Variants in COL5A1 observed in about 807,000 individuals in gnomAD.
COL5A1 encodes collagen alpha-1(V) chain.
A neutral mutation model predicts 263.7 loss-of-function variants in COL5A1; 16 were observed. That is an observed-to-expected ratio of 0.06 (90% CI 0.04 to 0.09). COL5A1 has a LOEUF of 0.09. Among genes scored for constraint, COL5A1 ranks in the 10% least tolerant of loss-of-function variants. COL5A1 has a pLI of 1.00. For synonymous variants in COL5A1, 1,012 were observed against 1,004.5 expected (o/e 1.01, Z -0.14); for missense variants, 2,036 against 2,540.5 (o/e 0.80, Z 4.27).
At chr9:134,827,752 G>A (rs796089322) in intron 63 of COL5A1, among the ~76,000 whole-genome samples, 20 of 152,362 alleles carry the variant, frequency 1.3e-4, no homozygotes, top group African/African-American at 3.6e-4. Flanking sequence ...AAGTGGAGAC[G>A]CTTTCCGAGG....
chr9:134,761,535 C>T (rs548857341), intron 18 of COL5A1, among the ~76,000 whole-genome samples: 4 of 152,254 alleles, frequency 2.6e-5, no homozygotes, highest in African/African-American at 9.6e-5. Context: ...CCACTGCGTG[C>T]GAGCTCTGAG....
chr9:134,844,508 A>G lies in COL5A1; in HGVS notation c.*2205A>G, dbSNP rs1830192817. 1 of 152,440 alleles carries G rather than the reference A, an allele frequency of 6.6e-6. No homozygotes were observed. Among genetic ancestry groups the G allele is most frequent in the African/African-American group, 2.4e-5 (1 of 41,446 alleles). 9.4% of individuals were successfully genotyped at this position (152,440 alleles called of 1,614,324 possible). A position where few individuals can be genotyped will look rare whatever the true frequency, so the allele number is the denominator to read the frequency against. On this transcript the variant is annotated 3_prime_UTR_variant, in exon 66 of 66. Transcript: ENST00000371817. Reference sequence around the variant, plus strand: ...CCGTTCTCCCCAGACCACTCTAGCCACAGTATATTGCAATAAAATTACTTC... The same window carrying G: ...CCGTTCTCCCCAGACCACTCTAGCCGCAGTATATTGCAATAAAATTACTTC...
At chr9:134,725,061 C>T (rs1834597481) in intron 4 of COL5A1, among the ~76,000 whole-genome samples, 1 of 152,198 alleles carries the variant, frequency 6.6e-6, no homozygotes, top group Admixed American at 6.5e-5. Flanking sequence ...CAGCACCTGG[C>T]CCTGCCCCAA....
At chr9:134,744,775 A>T (rs1343945135) in intron 11 of COL5A1, among the ~76,000 whole-genome samples, 1 of 151,038 alleles carries the variant, frequency 6.6e-6, no homozygotes, top group South Asian at 2.1e-4. Context: ...GCTCACTCAT[A>T]CATGCACACA....
intron 41 of COL5A1, among the ~76,000 whole-genome samples, chr9:134,805,871 GGA>G (rs1838279026): frequency 6.6e-6 from 1 of 150,498 alleles, no homozygotes; most frequent in South Asian, 2.1e-4. Context: ...GGGCCCTGGA[GGA>G]GAGAGGGTGC....
In COL5A1 at chr9:134,785,155, A is replaced by G. The variant is rs184743146; in HGVS notation, c.2592+59A>G. 377 of 1,427,488 alleles carry G rather than the reference A, an allele frequency of 2.6e-4. 1 individual carries two copies. The African/African-American group carries it at 4.7e-3, about 18-fold the overall frequency. The allele number at this position is 1,427,488 out of a possible 1,614,324, so 88.4% of individuals were successfully genotyped here. ...GGAGGGATCTGACAGGCCCTTCCCC[A>G]TGGCCTCGGGCTCCCGTTGGCTGTG... is the stretch of plus-strand genomic sequence containing the variant. On this transcript the variant is annotated intron_variant, in intron 30 of 65. Transcript: ENST00000371817.
chr9:134,704,460 A>G (rs928653066), intron 4 of COL5A1, among the ~76,000 whole-genome samples: 1 of 152,144 alleles, frequency 6.6e-6, no homozygotes, highest in African/African-American at 2.4e-5. Context: ...CTGTTTTCCT[A>G]CCCTGGCTTG....
intron 4 of COL5A1, among the ~76,000 whole-genome samples, chr9:134,703,198 G>A (rs183588037): frequency 1.3e-5 from 2 of 152,324 alleles, no homozygotes; most frequent in East Asian, 1.9e-4. Context: ...AGAGCAGGGC[G>A]GGTGCTTGGA....
chr9:134,816,128 ATTGATTCCCTTATGATG>A (rs1485704288), intron 52 of COL5A1, 140 bp downstream of exon 52: 19 of 809,610 alleles, frequency 2.3e-5, no homozygotes, highest in South Asian at 1.0e-4. Flanking sequence ...CCCTTATGAT[ATTGATTCCCTTATGATG>A]TTGATTCCCT....
intron 4 of COL5A1, among the ~76,000 whole-genome samples, chr9:134,711,996 TTCCCCC>T (rs1834060219): frequency 1.3e-5 from 1 of 78,830 alleles, no homozygotes; most frequent in African/African-American, 5.2e-5. Flanking sequence ...TCCCCACTCC[TTCCCCC>T]TCCTTCCTGT....
intron 51 of COL5A1, 84 bp downstream of exon 51, chr9:134,815,713 G>C: frequency 6.7e-7 from 1 of 1,486,976 alleles, no homozygotes; most frequent in East Asian, 2.3e-5. Context: ...CTTTCTGGTG[G>C]TTCTTTGTGA....
At position 134,742,124 on chromosome 9, in the gene COL5A1, T is replaced by G. The variant is rs1232893073; in HGVS notation, c.1494+3316T>G. ...TCCACTGGCTGGCCCTGGGTGTTGC[T>G]TCCTTCACACACTCTGGTGAGCCCT... On this transcript the variant is annotated intron_variant, in intron 11 of 65. Transcript: ENST00000371817. The surrounding 1 kb of genome is among the most constrained non-coding windows in gnomAD (Gnocchi z 4.6). Among the ~76,000 whole-genome samples the G allele has an allele frequency of 6.6e-6, 1 of 152,218 alleles. No homozygotes were observed. The highest frequency in any genetic ancestry group is 1.5e-5 in the Non-Finnish European group (1 of 68,034).
In COL5A1 at chr9:134,842,418, C is replaced by G; in HGVS notation, c.*115C>G. ...CAGTGAAGGCTTCTCCCTCCCCTCC[C>G]ACCTGACTTCATCTACGCCTCGGCA... On this transcript the variant is annotated 3_prime_UTR_variant, in exon 66 of 66. Transcript: ENST00000371817. This position sits in a 1 kb window ranked among gnomAD's most constrained non-coding sequence, Gnocchi z 5.8. The G allele has an allele frequency of 7.7e-7, 1 of 1,298,130 alleles. No homozygotes were observed. Among genetic ancestry groups the G allele is most frequent in the Non-Finnish European group, 1.1e-6 (1 of 925,442 alleles). 80.4% of individuals were successfully genotyped at this position (1,298,130 alleles called of 1,614,324 possible). A position where few individuals can be genotyped will look rare whatever the true frequency, so the allele number is the denominator to read the frequency against.
At chr9:134,694,489 A>G (rs1168396855) in intron 2 of COL5A1, among the ~76,000 whole-genome samples, 1 of 152,200 alleles carries the variant, frequency 6.6e-6, no homozygotes, top group African/African-American at 2.4e-5. Context: ...CACCCTCCTC[A>G]GGGGCACCGC....
At chr9:134,750,903 A>G in intron 13 of COL5A1, 21 bp downstream of exon 13, 2 of 1,601,790 alleles carry the variant, frequency 1.2e-6, no homozygotes, top group Non-Finnish European at 1.7e-6. Flanking sequence ...CTGGGTCCCA[A>G]GAGGCCTGAA....
rs774861340 is a variant in COL5A1, at chr9:134,691,089, G to A, written c.277+10G>A. The A allele has an allele frequency of 2.7e-5, 44 of 1,612,362 alleles. No individual in the cohort carries two copies. The South Asian group carries it at 2.9e-4, about 10-fold the overall frequency. ...AAGCAGCTGTACCCTGGTAAGTGCC[G>A]CACCCTTCTGTTTGGGGCGGTGGGT... On this transcript the variant is annotated intron_variant, in intron 2 of 65. Transcript: ENST00000371817.
At chr9:134,800,306 G>A (rs756836065) in intron 37 of COL5A1, among the ~76,000 whole-genome samples, 5 of 152,094 alleles carry the variant, frequency 3.3e-5, no homozygotes, top group Non-Finnish European at 5.9e-5. Context: ...TCTTCTCCCC[G>A]GGTCCACTGA....
chr9:134,762,679 AG>A (rs1025962225), intron 19 of COL5A1, among the ~76,000 whole-genome samples: 7 of 152,128 alleles, frequency 4.6e-5, no homozygotes, highest in African/African-American at 1.7e-4. Context: ...AGAGGTGTTT[AG>A]GGGGAAAGCT....
intron 1 of COL5A1, among the ~76,000 whole-genome samples, chr9:134,673,583 A>G (rs1832605572): frequency 6.6e-6 from 1 of 152,212 alleles, no homozygotes; most frequent in Admixed American, 6.5e-5. Flanking sequence ...TCATGTATTT[A>G]AAGGTAAGAT....
Sources: gnomAD v4.1 joint callset for allele counts (sites outside exome capture counted in the v4.1 genomes callset) on GRCh38, gnomAD v4.1.1 for gene constraint, Gnocchi (gnomAD v3.1) non-coding constraint, MANE v1.5 for transcripts, NCBI Gene and HGNC (gene_info 2026-07-23, HGNC 2026-07-21) for gene names.